PGBD2: variants seen among roughly 807,000 people sequenced by gnomAD.
The protein encoded by PGBD2 is piggyBac transposable element-derived protein 2.
PGBD2 carries 6 observed loss-of-function variants against 8.1 expected under a neutral mutation model. The ratio of observed to expected loss-of-function variants is 0.74; its 90% confidence interval spans 0.40 to 1.46. The LOEUF is 1.46. PGBD2 is among the 40% of genes most tolerant of loss of function. The pLI, the probability that PGBD2 is intolerant of heterozygous loss-of-function variation, is 0.02. For synonymous variants in PGBD2, 318 were observed against 272.2 expected (o/e 1.17, Z -1.66); for missense variants, 802 against 739.0 (o/e 1.09, Z -0.99).
At chr1:248,928,708 T>TA in the PGBD2 span, among the ~76,000 whole-genome samples, 1 of 152,178 alleles carries the variant, frequency 6.6e-6, no homozygotes, top group African/African-American at 2.4e-5. Flanking sequence ...AGCAGATTGG[T>TA]AAAAACAATT....
chr1:248,886,441 G>A, the PGBD2 span, among the ~76,000 whole-genome samples: 3 of 152,194 alleles, frequency 2.0e-5, no homozygotes, highest in Non-Finnish European at 4.4e-5. Context: ...AGCTCCTTCA[G>A]AGATCATTTG....
chr1:248,907,038 AC>A (rs1232546285), intron 1 of PGBD2, among the ~76,000 whole-genome samples: 1 of 152,092 alleles, frequency 6.6e-6, no homozygotes, highest in Non-Finnish European at 1.5e-5. Context: ...GGGGACCGGC[AC>A]TCAGCATACC....
chr1:248,914,172 C>T (rs909028857), intron 2 of PGBD2, among the ~76,000 whole-genome samples: 1 of 152,168 alleles, frequency 6.6e-6, no homozygotes, highest in Admixed American at 6.5e-5. Context: ...CTCCTGGGGC[C>T]ACCTCAGTCC....
the PGBD2 span, among the ~76,000 whole-genome samples, chr1:248,877,390 A>G: frequency 6.6e-6 from 1 of 152,184 alleles, no homozygotes; most frequent in Non-Finnish European, 1.5e-5. Flanking sequence ...TTGACCTCTG[A>G]GGCTCAAGTG....
At chr1:248,906,723 C>T (rs947609939) in intron 1 of PGBD2, among the ~76,000 whole-genome samples, 2 of 151,356 alleles carry the variant, frequency 1.3e-5, no homozygotes, top group Middle Eastern at 3.2e-3. Flanking sequence ...ACTGCGAATG[C>T]CACGTCACAT....
chr1:248,907,780 C>G (rs1273189124), intron 1 of PGBD2, among the ~76,000 whole-genome samples: 1 of 152,134 alleles, frequency 6.6e-6, no homozygotes, highest in Non-Finnish European at 1.5e-5. Context: ...GAGGTTGGGG[C>G]AAAGTTACAG....
chr1:248,917,193 C>G lies in PGBD2; in HGVS notation c.609C>G (p.Thr203=). 2 of 1,614,122 alleles carry G rather than the reference C, an allele frequency of 1.2e-6. No individual in the cohort carries two copies. Among genetic ancestry groups the G allele is most frequent in the Non-Finnish European group, 1.7e-6 (2 of 1,180,022 alleles). ...CAAGGAGAAGGATGTTCTGGGAAAC[C>G]TCTCCCGATTCACATCATCATCTTG... ...SYPRRRMFWE[T]SPDSHHHLVA... is the part of the protein sequence containing the mutation. Residue 203 remains threonine (T), a synonymous_variant, in exon 3 of 3, where the codon ACC becomes ACG. Coordinates refer to ENST00000329291, the MANE Select transcript of PGBD2 (RefSeq NM_170725.3).
chr1:248,874,434 A>C, the PGBD2 span, among the ~76,000 whole-genome samples: 2 of 152,216 alleles, frequency 1.3e-5, no homozygotes, highest in South Asian at 4.1e-4. Context: ...CTCATTTTGC[A>C]GAGTAGTTAC....
the PGBD2 span, among the ~76,000 whole-genome samples, chr1:248,882,333 G>T: frequency 3.3e-5 from 5 of 152,216 alleles, no homozygotes; most frequent in African/African-American, 9.6e-5. Context: ...CATAACATCT[G>T]TATGCAGAAG....
chr1:248,902,035 AAGGC>A (rs767991628), upstream of PGBD2, among the ~76,000 whole-genome samples: 3 of 152,126 alleles, frequency 2.0e-5, no homozygotes, highest in Admixed American at 6.5e-5. Context: ...TTCAGAGGCC[AAGGC>A]AAGCGGATCA....
At chr1:248,879,267 G>C in the PGBD2 span, among the ~76,000 whole-genome samples, 2 of 152,190 alleles carry the variant, frequency 1.3e-5, no homozygotes, top group Admixed American at 1.3e-4. Context: ...TAGAGGTGGC[G>C]ATGAATGTCT....
intron 1 of PGBD2, among the ~76,000 whole-genome samples, chr1:248,912,113 T>C (rs1309112104): frequency 6.6e-6 from 1 of 152,164 alleles, no homozygotes; most frequent in Non-Finnish European, 1.5e-5. Context: ...TGCTGAGATA[T>C]TTCCTTAGCT....
chr1:248,897,704 G>A, the PGBD2 span, among the ~76,000 whole-genome samples: 1 of 152,158 alleles, frequency 6.6e-6, no homozygotes, highest in African/African-American at 2.4e-5. Flanking sequence ...GTAGGAAGGG[G>A]GCTGAAGCCA....
At chr1:248,920,170 T>C (rs548368913), downstream of PGBD2, among the ~76,000 whole-genome samples, 1 of 152,262 alleles carries the variant, frequency 6.6e-6, no homozygotes, top group South Asian at 2.1e-4. Flanking sequence ...AATTATACTT[T>C]AAGTTCTGGG....
chr1:248,895,375 G>A, the PGBD2 span, among the ~76,000 whole-genome samples: 1 of 152,142 alleles, frequency 6.6e-6, no homozygotes, highest in East Asian at 1.9e-4. Context: ...GAGGAGGAAG[G>A]ACAAAGAGGA....
upstream of PGBD2, among the ~76,000 whole-genome samples, chr1:248,904,193 T>C (rs774456185): frequency 6.6e-5 from 10 of 152,142 alleles, no homozygotes; most frequent in Non-Finnish European, 1.5e-4. Flanking sequence ...CCCAATTTTT[T>C]CCTTAAAGCT....
At chr1:248,921,704 G>A (rs185365079), downstream of PGBD2, among the ~76,000 whole-genome samples, 3 of 152,268 alleles carry the variant, frequency 2.0e-5, no homozygotes, top group East Asian at 5.8e-4. Context: ...GGATCGCATT[G>A]AATCTATAAA....
chr1:248,903,721 C>T (rs1231576615), upstream of PGBD2, among the ~76,000 whole-genome samples: 1 of 152,194 alleles, frequency 6.6e-6, no homozygotes, highest in Non-Finnish European at 1.5e-5. Context: ...CCTGATATCT[C>T]TAGTAATTTC....
the PGBD2 span, among the ~76,000 whole-genome samples, chr1:248,875,395 T>C: frequency 6.6e-6 from 1 of 150,932 alleles, no homozygotes; most frequent in African/African-American, 2.4e-5. Context: ...GTCACAGATA[T>C]GCCATTACTC....
Sources: allele counts gnomAD v4.1 joint callset (sites outside exome capture counted in the v4.1 genomes callset), GRCh38; gene constraint gnomAD v4.1.1; transcripts MANE v1.5; gene names NCBI Gene and HGNC (gene_info 2026-07-23, HGNC 2026-07-21).